NR2E3: variants seen among roughly 807,000 people sequenced by gnomAD.
NR2E3 encodes photoreceptor-specific nuclear receptor.
NR2E3 carries 38 observed loss-of-function variants against 37.6 expected under a neutral mutation model. The ratio of observed to expected loss-of-function variants is 1.01; its 90% CI spans 0.78 to 1.33. The LOEUF (loss-of-function observed/expected upper bound fraction) is 1.33, where lower values mean the gene tolerates loss of function less well. Ranked by LOEUF, NR2E3 falls within the 40% of genes most tolerant of loss-of-function variation. The pLI is 0.00. For synonymous variants in NR2E3, 235 were observed against 225.1 expected (o/e 1.04, Z -0.39); for missense variants, 562 against 558.7 (o/e 1.01, Z -0.06).
chr15:71,812,458 G>T lies in NR2E3; in HGVS notation c.694G>T (p.Val232Phe). The change falls in exon 5 of 8, where the codon GTC (valine) becomes TTC (phenylalanine). Residue 232 changes from valine to phenylalanine, a missense_variant. Transcript: ENST00000617575. ...CTCGGCTCGCCTACTCTTCATGGCC[G>T]TCAAGTGGGCCAAGAACCTGCCTGT... Reference protein sequence around the residue: ...ETSARLLFMAVKWAKNLPVFS... With the variant: ...ETSARLLFMAFKWAKNLPVFS... The T allele has an allele frequency of 8.1e-6, 13 of 1,613,732 alleles. No individual in the cohort carries two copies. The highest frequency in any genetic ancestry group is 1.1e-5 in the Non-Finnish European group (13 of 1,179,768).
In NR2E3 at chr15:71,817,649, A is replaced by G. The variant is rs369323987; in HGVS notation, c.1198A>G (p.Met400Val). Residue 400 changes from methionine (M) to valine (V), a missense_variant, in exon 8 of 8, where the codon ATG becomes GTG. Met to Val is a conservative substitution (Grantham distance 21). Coordinates refer to ENST00000617575, the MANE Select transcript of NR2E3 (RefSeq NM_014249.4). ...CCGCAAGACCATAGGGAATACTCCA[A>G]TGGAGAAGCTCCTTTGTGATATGTT... is the stretch of plus-strand genomic sequence containing the variant. ...FFRKTIGNTP[M>V]EKLLCDMFKN The G allele has an allele frequency of 2.2e-5, 35 of 1,607,602 alleles. No individual in the cohort carries two copies. The African/African-American group carries it at 3.6e-4, about 17-fold the overall frequency.
rs892284618 is a variant in NR2E3 at position 71,813,341 on chromosome 15, C to G, written c.748-48C>G. ...TGGTGGCAGAGGCTCCAGACTGAGC[C>G]AGAGAAGCTGTGTGTCTGCCATAAC... On this transcript the variant is annotated intron_variant, in intron 5 of 7. Coordinates refer to ENST00000617575, the MANE Select transcript of NR2E3 (RefSeq NM_014249.4). The surrounding 1 kb of genome is among the most constrained non-coding windows in gnomAD (Gnocchi z 4.7). The G allele has an allele frequency of 6.3e-7, 1 of 1,592,600 alleles. No homozygotes were observed. Among genetic ancestry groups the G allele is most frequent in the Admixed American group, 1.7e-5 (1 of 57,182 alleles).
chr15:71,811,830 C>T lies in NR2E3; in HGVS notation c.310C>T (p.Arg104Trp), dbSNP rs990307718. 10 of 1,551,252 alleles carry T rather than the reference C, an allele frequency of 6.4e-6. No individual in the cohort carries two copies. The highest frequency in any genetic ancestry group is 2.7e-5 in the African/African-American group (2 of 73,032). Residue 104 changes from arginine (R) to tryptophan (W), a missense_variant, in exon 3 of 8, where the codon CGG becomes TGG. Coordinates refer to ENST00000617575, the MANE Select transcript of NR2E3 (RefSeq NM_014249.4). The surrounding 1 kb of genome is among the most constrained non-coding windows in gnomAD (Gnocchi z 5.6). ...CCACCGCAACCAGTGCCAGGCCTGC[C>T]GGCTGAAGAAGTGCCTGCAGGCGGG... is the stretch of plus-strand genomic sequence containing the variant. ...KAHRNQCQAC[R>W]LKKCLQAGMN... is the part of the protein sequence containing the mutation.
In NR2E3 at chr15:71,813,684, A is replaced by C. The variant is rs753934959; in HGVS notation, c.994+49A>C. 16 of 1,607,844 alleles carry C rather than the reference A, an allele frequency of 1.0e-5. No homozygotes were observed. The highest frequency in any genetic ancestry group is 5.3e-5 in the African/African-American group (4 of 74,932). ...TTGAGTGGGAATTCTGGTGACTTCC[A>C]TCTGCCTCTCACTCTCCCTCCACTA... On this transcript the variant is annotated intron_variant, in intron 6 of 7. Transcript: ENST00000617575. This position sits in a 1 kb window ranked among gnomAD's most constrained non-coding sequence, Gnocchi z 4.7.
Position 71,813,197 on chromosome 15 carries a change from T to A in NR2E3, c.748-192T>A, listed in dbSNP as rs1258478121. Among the ~76,000 whole-genome samples, 1 of 152,148 alleles carries A rather than the reference T, an allele frequency of 6.6e-6. No individual in the cohort carries two copies. Among genetic ancestry groups the A allele is most frequent in the Non-Finnish European group, 1.5e-5 (1 of 68,030 alleles). ...GCAGCTCTGGATGGAACCCAGTGTC[T>A]CAGATGATAGGCAGCTGAGCCGGAT... On this transcript the variant is annotated intron_variant, in intron 5 of 7. Transcript: ENST00000617575. This position sits in a 1 kb window ranked among gnomAD's most constrained non-coding sequence, Gnocchi z 4.7.
chr15:71,816,421 C>T (rs535432902), intron 7 of NR2E3, among the ~76,000 whole-genome samples: 7 of 152,002 alleles, frequency 4.6e-5, no homozygotes, highest in South Asian at 4.2e-4. Context: ...CCACCACGCC[C>T]GGCTAATTTT....
At chr15:71,812,573 TC>T in intron 5 of NR2E3, 62 bp downstream of exon 5, 1 of 1,451,254 alleles carries the variant, frequency 6.9e-7, no homozygotes, top group Non-Finnish European at 9.3e-7. Context: ...CCCACTCGAG[TC>T]AACCAGACAG....
At position 71,810,607 on chromosome 15, in the gene NR2E3, C is replaced by A; in HGVS notation, c.-137C>A. Reference sequence around the variant, plus strand: ...TGTGAGGGGCTTCGGGACCTTGGGGCAGCTCCTGAGTTCAGACAGAGTTCA... The same window carrying A: ...TGTGAGGGGCTTCGGGACCTTGGGGAAGCTCCTGAGTTCAGACAGAGTTCA... On this transcript the variant is annotated 5_prime_UTR_variant, in exon 1 of 8. Transcript: ENST00000617575. 1 of 1,341,176 alleles carries A rather than the reference C, an allele frequency of 7.5e-7. No homozygotes were observed. Among genetic ancestry groups the A allele is most frequent in the Non-Finnish European group, 1.0e-6 (1 of 993,502 alleles). The allele number at this position is 1,341,176 out of a possible 1,614,324, so 83.1% of individuals were successfully genotyped here.
In NR2E3 at chr15:71,812,453, T is replaced by C. The variant is rs1260889489; in HGVS notation, c.689T>C (p.Met230Thr). The change falls in exon 5 of 8, where the codon ATG becomes ACG. Residue 230 changes from methionine to threonine, a missense_variant. Transcript: ENST00000617575. ...GAGACCTCGGCTCGCCTACTCTTCA[T>C]GGCCGTCAAGTGGGCCAAGAACCTG... ...IHETSARLLF[M>T]AVKWAKNLPV... The C allele has an allele frequency of 6.2e-7, 1 of 1,613,930 alleles. No individual in the cohort carries two copies. The highest frequency in any genetic ancestry group is 8.5e-7 in the Non-Finnish European group (1 of 1,179,834).
In NR2E3 at chr15:71,813,970, C is replaced by G. The variant is rs1354068118; in HGVS notation, c.995-42C>G. On this transcript the variant is annotated intron_variant, in intron 6 of 7. Coordinates refer to ENST00000617575, the MANE Select transcript of NR2E3 (RefSeq NM_014249.4). The surrounding 1 kb of genome is among the most constrained non-coding windows in gnomAD (Gnocchi z 4.7). ...CACTTCATGGCCAGCCTTATAACAG[C>G]CGTAAACCTGTGCTAAGCTCACTGG... 1.3e-6 allele frequency: 2 copies of G among 1,585,992 alleles called. No homozygotes were observed. The highest frequency in any genetic ancestry group is 2.7e-5 in the African/African-American group (2 of 74,214).
intron 7 of NR2E3, chr15:71,814,983 T>C: frequency 1.2e-6 from 1 of 858,764 alleles, no homozygotes; most frequent in South Asian, 5.3e-5. Context: ...AAGACGGTTT[T>C]GAGGGAAGAT....
intron 7 of NR2E3, 121 bp downstream of exon 7, chr15:71,814,238 C>T (rs960228581): frequency 2.0e-6 from 3 of 1,464,250 alleles, no homozygotes. Context: ...CAACAGCATA[C>T]AGCCAACATC....
rs752885711 is a variant in NR2E3, at chr15:71,811,750, T to C, written c.246-16T>C. 4 of 1,549,220 alleles carry C rather than the reference T, an allele frequency of 2.6e-6. No homozygotes were observed. The African/African-American group carries it at 5.5e-5, about 21-fold the overall frequency. The stretch of plus-strand genomic sequence containing the variant: ...GGGAGGGACACTGACCCCTGGGGTC[T>C]CCTCTTCACCTGCAGGTGCCAGGTG... On this transcript the variant is annotated splice_polypyrimidine_tract_variant and intron_variant, in intron 2 of 7. Coordinates refer to ENST00000617575, the MANE Select transcript of NR2E3 (RefSeq NM_014249.4). The surrounding 1 kb of genome is among the most constrained non-coding windows in gnomAD (Gnocchi z 5.6).
chr15:71,816,665 T>C (rs914417371), intron 7 of NR2E3, among the ~76,000 whole-genome samples: 2 of 152,208 alleles, frequency 1.3e-5, no homozygotes, highest in African/African-American at 4.8e-5. Flanking sequence ...GCTATCATCA[T>C]CCTAGGTGGT....
At chr15:71,814,476 G>A (rs1194041297) in intron 7 of NR2E3, 2 of 1,043,354 alleles carry the variant, frequency 1.9e-6, no homozygotes, top group Non-Finnish European at 2.3e-6. Context: ...GGACTTGAAA[G>A]GAAGAAGAAG....
Position 71,810,716 on chromosome 15 carries a change from C to A in NR2E3, c.-28C>A, listed in dbSNP as rs771878880. 341 of 1,553,552 alleles carry A rather than the reference C, an allele frequency of 2.2e-4. 1 individual carries two copies. Among genetic ancestry groups the A allele is most frequent in the Non-Finnish European group, 2.1e-5 (24 of 1,148,652 alleles). On this transcript the variant is annotated 5_prime_UTR_variant, in exon 1 of 8. Coordinates refer to ENST00000617575, the MANE Select transcript of NR2E3 (RefSeq NM_014249.4). Reference sequence around the variant, plus strand: ...CAGGCTCAGCAACCCAGGCCTCCCGCAGGCAGGCAGAGGCTGCCCTGTAAC... The same window carrying A: ...CAGGCTCAGCAACCCAGGCCTCCCGAAGGCAGGCAGAGGCTGCCCTGTAAC...
At chr15:71,815,294 A>G (rs1051397881) in intron 7 of NR2E3, among the ~76,000 whole-genome samples, 3 of 152,242 alleles carry the variant, frequency 2.0e-5, no homozygotes, top group Non-Finnish European at 4.4e-5. Flanking sequence ...GCATCCTTGC[A>G]TCACCTCTAA....
intron 7 of NR2E3, chr15:71,814,702 G>A (rs1477245442): frequency 1.4e-5 from 14 of 987,026 alleles, no homozygotes; most frequent in African/African-American, 1.7e-5. Context: ...GCAGGTTTCC[G>A]AGCAGAGGGT....
Position 71,811,993 on chromosome 15 carries a change from G to A in NR2E3, c.388G>A (p.Val130Ile), listed in dbSNP as rs1032777552. Residue 130 changes from valine (V) to isoleucine (I), a missense_variant, in exon 4 of 8, where the codon GTC becomes ATC. Transcript: ENST00000617575. The surrounding 1 kb of genome is among the most constrained non-coding windows in gnomAD (Gnocchi z 5.6). ...NERQPRSTAQ[V>I]HLDSMESNTE... ...GCGCCAGCCGCGAAGCACAGCCCAG[G>A]TCCACCTGGACAGCATGGAGTCCAA... The A allele has an allele frequency of 1.9e-6, 3 of 1,554,632 alleles. No homozygotes were observed. Among genetic ancestry groups the A allele is most frequent in the African/African-American group, 1.4e-5 (1 of 73,294 alleles).
Sources: allele counts gnomAD v4.1 joint callset (sites outside exome capture counted in the v4.1 genomes callset), GRCh38; gene constraint gnomAD v4.1.1; non-coding constraint Gnocchi (gnomAD v3.1); transcripts MANE v1.5; gene names NCBI Gene and HGNC (gene_info 2026-07-23, HGNC 2026-07-21).